GPR149: variants seen among roughly 807,000 people sequenced by gnomAD.
The protein encoded by GPR149 is probable G protein-coupled receptor 149.
GPR149 carries 50 observed loss-of-function variants against 50.2 expected under a neutral mutation model. The observed-to-expected ratio is 1.00, with a 90% CI of 0.79 to 1.26. The LOEUF (loss-of-function observed/expected upper bound fraction) is 1.26. Ranked by LOEUF, GPR149 falls within the 50% of genes most tolerant of loss-of-function variation. The pLI is 0.00. For synonymous variants in GPR149, 405 were observed against 358.2 expected (o/e 1.13, Z -1.48); for missense variants, 983 against 895.4 (o/e 1.10, Z -1.25).
At chr3:154,378,043 T>C (rs531588706) in intron 3 of GPR149, among the ~76,000 whole-genome samples, 42 of 152,022 alleles carry the variant, frequency 2.8e-4, no homozygotes, top group Non-Finnish European at 4.0e-4. Context: ...TTCATTTCTT[T>C]ATATTGCTTA....
chr3:154,371,989 C>T (rs1018771304), intron 3 of GPR149, among the ~76,000 whole-genome samples: 1 of 152,134 alleles, frequency 6.6e-6, no homozygotes, highest in African/African-American at 2.4e-5. Flanking sequence ...ACCCCTGGAT[C>T]GACATACTGG....
chr3:154,357,284 T>C (rs1334979909), intron 3 of GPR149, among the ~76,000 whole-genome samples: 13 of 152,118 alleles, frequency 8.5e-5, no homozygotes, highest in Non-Finnish European at 1.6e-4. Flanking sequence ...AAGGACTTCA[T>C]GTCTAAAACA....
At position 154,429,435 on chromosome 3, in the gene GPR149, T is replaced by G; in HGVS notation, c.181A>C (p.Met61Leu). The change falls in exon 1 of 4, where the codon ATG (methionine) becomes CTG (leucine). Residue 61 changes from methionine to leucine, a missense_variant. Physicochemically the swap from Met to Leu is conservative, Grantham distance 15 (BLOSUM62 2). Transcript: ENST00000389740. ...ATGGACACAACAGTTCTGTTCTGCA[T>G]TTTCAGCAGGGAAATTAGTGAATAA... is the stretch of plus-strand genomic sequence containing the variant. The part of the protein sequence containing the change: ...SIYSLISLLK[M>L]QNRTVVSMLV... The G allele has an allele frequency of 6.2e-7, 1 of 1,614,162 alleles. No individual in the cohort carries two copies. The highest frequency in any genetic ancestry group is 8.5e-7 in the Non-Finnish European group (1 of 1,180,024).
At chr3:154,402,477 G>A (rs1414871357) in intron 3 of GPR149, among the ~76,000 whole-genome samples, 1 of 122,110 alleles carries the variant, frequency 8.2e-6, no homozygotes, top group Non-Finnish European at 1.8e-5. Context: ...ATTCAACAAA[G>A]TAGACAAGTG....
chr3:154,352,921 G>C, intron 3 of GPR149: 1 of 874,778 alleles, frequency 1.1e-6, no homozygotes, highest in East Asian at 2.4e-5. Flanking sequence ...CGATGGATAC[G>C]GGCCTCAACA....
At chr3:154,367,171 T>A (rs1441985184) in intron 3 of GPR149, among the ~76,000 whole-genome samples, 2 of 152,202 alleles carry the variant, frequency 1.3e-5, no homozygotes, top group Non-Finnish European at 2.9e-5. Context: ...ACTCACTCCT[T>A]TCCTGCATCA....
Position 154,428,714 on chromosome 3 carries a change from C to T in GPR149, c.902G>A (p.Ser301Asn), listed in dbSNP as rs202216418. Residue 301 changes from serine to asparagine, a missense_variant, in exon 1 of 4, where the codon AGC becomes AAC. By Grantham distance (46) the Ser-to-Asn change is conservative. Coordinates refer to ENST00000389740, the MANE Select transcript of GPR149 (RefSeq NM_001038705.3). Reference protein sequence around the residue: ...ENRGTLYGTRSFTVSVAQKRF... With the variant: ...ENRGTLYGTRNFTVSVAQKRF... ...CTTCTGCGCTACGCTCACGGTGAAG[C>T]TCCTGGTGCCATAGAGAGTCCCCCG... The T allele has an allele frequency of 2.5e-6, 4 of 1,614,166 alleles. No individual in the cohort carries two copies. Among genetic ancestry groups the T allele is most frequent in the Admixed American group, 1.7e-5 (1 of 60,028 alleles).
intron 3 of GPR149, among the ~76,000 whole-genome samples, chr3:154,342,011 A>T (rs1576896509): frequency 6.6e-6 from 1 of 152,244 alleles, no homozygotes; most frequent in Non-Finnish European, 1.5e-5. Flanking sequence ...TTAGTTATCC[A>T]TTACAAAATT....
rs1713663950 is a variant in GPR149, at chr3:154,336,737, T to C, written c.*962A>G. ...ATATAATATTTGAAGTAAACTTTTC[T>C]ATTTCAAGAATGACTAAGAAAGGTT... is the stretch of plus-strand genomic sequence containing the variant. On this transcript the variant is annotated 3_prime_UTR_variant, in exon 4 of 4. Coordinates refer to ENST00000389740, the MANE Select transcript of GPR149 (RefSeq NM_001038705.3). The C allele has an allele frequency of 6.6e-6, 1 of 152,144 alleles. No homozygotes were observed. Among genetic ancestry groups the C allele is most frequent in the Non-Finnish European group, 1.5e-5 (1 of 67,972 alleles). The allele number at this position is 152,144 out of a possible 1,614,324, so 9.4% of individuals were successfully genotyped here. A position where few individuals can be genotyped will look rare whatever the true frequency, so the allele number is the denominator to read the frequency against.
In GPR149 at chr3:154,428,979, T is replaced by C. The variant is rs1311406025; in HGVS notation, c.637A>G (p.Thr213Ala). ...TCCTCCGAACACAGCAATCGGTGAG[T>C]GAGTGGGACTGAGAGGCCCACGAGG... ...GLLVGLSVPL[T>A]HRLLCSEEPP... Residue 213 changes from threonine (T) to alanine (A), a missense_variant, in exon 1 of 4, where the codon ACT (threonine) becomes GCT (alanine). Physicochemically the swap from Thr to Ala is moderately conservative, Grantham distance 58 (BLOSUM62 0). Transcript: ENST00000389740. 1.9e-6 allele frequency: 3 copies of C among 1,613,696 alleles called. No homozygotes were observed. The highest frequency in any genetic ancestry group is 2.7e-5 in the African/African-American group (2 of 74,922).
chr3:154,413,786 A>G (rs1711908455), intron 3 of GPR149, among the ~76,000 whole-genome samples: 3 of 152,058 alleles, frequency 2.0e-5, no homozygotes, highest in African/African-American at 7.2e-5. Context: ...CATTTGATCC[A>G]GCAATCTCAC....
intron 3 of GPR149, among the ~76,000 whole-genome samples, chr3:154,398,941 T>C (rs1715357480): frequency 6.6e-6 from 1 of 152,156 alleles, no homozygotes; most frequent in Non-Finnish European, 1.5e-5. Context: ...GTAACTCCAA[T>C]AAACATAAGA....
intron 3 of GPR149, among the ~76,000 whole-genome samples, chr3:154,415,508 A>T (rs185503362): frequency 6.6e-6 from 1 of 151,968 alleles, no homozygotes; most frequent in Non-Finnish European, 1.5e-5. Context: ...GCCACTCTAA[A>T]CTATACCAGA....
At chr3:154,422,180 A>C (rs1446533171) in intron 2 of GPR149, among the ~76,000 whole-genome samples, 1 of 151,704 alleles carries the variant, frequency 6.6e-6, no homozygotes, top group East Asian at 1.9e-4. Context: ...TATTACAAGA[A>C]GAGTTTAGCA....
chr3:154,361,268 A>G (rs1714372260), intron 3 of GPR149, among the ~76,000 whole-genome samples: 1 of 152,224 alleles, frequency 6.6e-6, no homozygotes, highest in Non-Finnish European at 1.5e-5. Flanking sequence ...CTTTTCAGAA[A>G]TTAGACACTT....
At chr3:154,406,920 G>C (rs1182250314) in intron 3 of GPR149, among the ~76,000 whole-genome samples, 1 of 152,226 alleles carries the variant, frequency 6.6e-6, no homozygotes, top group Non-Finnish European at 1.5e-5. Context: ...TGGATTCACA[G>C]TTCCACATGG....
intron 3 of GPR149, among the ~76,000 whole-genome samples, chr3:154,417,190 G>A (rs187310282): frequency 3.3e-5 from 5 of 151,970 alleles, no homozygotes; most frequent in East Asian, 1.9e-4. Context: ...AAACTCTGAC[G>A]TTTCTTACTA....
At chr3:154,416,620 A>G (rs1711998059) in intron 3 of GPR149, among the ~76,000 whole-genome samples, 1 of 151,960 alleles carries the variant, frequency 6.6e-6, no homozygotes, top group South Asian at 2.1e-4. Context: ...CTGACACAAC[A>G]TAACTTTAGA....
chr3:154,350,916 T>C (rs997802512), intron 3 of GPR149, among the ~76,000 whole-genome samples: 2 of 152,238 alleles, frequency 1.3e-5, no homozygotes, highest in African/African-American at 2.4e-5. Context: ...TTATAATACC[T>C]AATATCATGT....
Sources: gnomAD v4.1 joint callset for allele counts (sites outside exome capture counted in the v4.1 genomes callset) on GRCh38, gnomAD v4.1.1 for gene constraint, MANE v1.5 for transcripts, NCBI Gene and HGNC (gene_info 2026-07-23, HGNC 2026-07-21) for gene names.